MYCBP2: variants seen among roughly 807,000 people sequenced by gnomAD.
MYCBP2 encodes the protein E3 ubiquitin-protein ligase MYCBP2.
Under a neutral mutation model 525.3 loss-of-function variants are expected in MYCBP2, and 120 were observed. That is an observed-to-expected ratio of 0.23 (90% CI 0.20 to 0.27). The LOEUF is 0.27. MYCBP2 is among the 10% of genes least tolerant of loss of function. The pLI is 1.00. For missense variants in MYCBP2, 4,149 were observed against 5,657.1 expected (o/e 0.73, Z 8.55); for synonymous variants, 1,894 against 1,955.8 (o/e 0.97, Z 0.83).
chr13:77,159,646 T>C (rs2057641852), intron 44 of MYCBP2, among the ~76,000 whole-genome samples: 2 of 152,174 alleles, frequency 1.3e-5, no homozygotes, highest in South Asian at 4.1e-4. Flanking sequence ...GATAAGTGTG[T>C]AGGCCTTTCC....
chr13:77,173,937 C>T (rs2059375852), intron 37 of MYCBP2, among the ~76,000 whole-genome samples: 1 of 152,198 alleles, frequency 6.6e-6, no homozygotes, highest in African/African-American at 2.4e-5. Context: ...ATCAAGGCAA[C>T]ACCACTATCT....
chr13:77,323,452 C>T (rs73547900), intron 1 of MYCBP2, among the ~76,000 whole-genome samples: 6,788 of 152,274 alleles, frequency 0.045, 515 homozygotes, highest in African/African-American at 0.15. Context: ...AACATTCTTC[C>T]TCTACATCTG....
rs114449292 is a variant in MYCBP2 at position 77,142,629 on chromosome 13, T to C, written c.7304-1686A>G. On this transcript the variant is annotated intron_variant, in intron 49 of 82. Coordinates refer to ENST00000544440, the MANE Select transcript of MYCBP2 (RefSeq NM_015057.5). ...CTTGCAAGGGGTCCCACGATAAGGA[T>C]TAAACATAGTCAGACAAGTTTCTTG... Among the ~76,000 whole-genome samples, 586 of 152,320 alleles carry C rather than the reference T, an allele frequency of 3.8e-3. 3 individuals carry two copies. The highest frequency in any genetic ancestry group is 0.013 in the African/African-American group (556 of 41,562).
intron 19 of MYCBP2, among the ~76,000 whole-genome samples, chr13:77,224,838 G>C (rs1479294766): frequency 1.3e-5 from 2 of 151,928 alleles, no homozygotes; most frequent in African/African-American, 4.8e-5. Flanking sequence ...TTAATAATGA[G>C]TAACTACATA....
intron 55 of MYCBP2, among the ~76,000 whole-genome samples, chr13:77,117,880 A>AT (rs1180081130): frequency 2.0e-5 from 3 of 152,216 alleles, no homozygotes; most frequent in African/African-American, 7.2e-5. Flanking sequence ...TCAATTTAAC[A>AT]TATTAGGAAC....
intron 62 of MYCBP2, among the ~76,000 whole-genome samples, chr13:77,086,369 T>A (rs1257512810): frequency 6.6e-6 from 1 of 152,164 alleles, no homozygotes; most frequent in Non-Finnish European, 1.5e-5. Context: ...TGTGGCTGCT[T>A]AAAAGATCTC....
chr13:77,049,790 C>T (rs116847421), intron 82 of MYCBP2, among the ~76,000 whole-genome samples: 6,308 of 152,238 alleles, frequency 0.041, 203 homozygotes, highest in East Asian at 0.13. Flanking sequence ...TACCCGCCAC[C>T]ATGCCTGGCT....
intron 53 of MYCBP2, among the ~76,000 whole-genome samples, chr13:77,125,760 T>A (rs2051542454): frequency 6.6e-6 from 1 of 152,208 alleles, no homozygotes; most frequent in Non-Finnish European, 1.5e-5. Context: ...ATTTTCTTTT[T>A]TCTGCATCTA....
intron 44 of MYCBP2, among the ~76,000 whole-genome samples, chr13:77,161,054 C>A (rs565239628): frequency 7.9e-5 from 12 of 152,278 alleles, no homozygotes; most frequent in Non-Finnish European, 1.5e-5. Flanking sequence ...TTGCTAGATG[C>A]AAAATTTTCC....
At chr13:77,208,691 T>C (rs1025802217) in intron 23 of MYCBP2, among the ~76,000 whole-genome samples, 1 of 152,212 alleles carries the variant, frequency 6.6e-6, no homozygotes, top group Admixed American at 6.5e-5. Flanking sequence ...TCAAACTTCA[T>C]ACTTGTGATC....
chr13:77,188,002 C>T (rs73241440), intron 30 of MYCBP2, among the ~76,000 whole-genome samples: 4,661 of 143,574 alleles, frequency 0.032, 120 homozygotes, highest in Non-Finnish European at 0.048. Context: ...ACTCAGGACG[C>T]GGAGGTTGCA....
At chr13:77,191,230 A>T (rs2061264837) in intron 28 of MYCBP2, among the ~76,000 whole-genome samples, 1 of 152,372 alleles carries the variant, frequency 6.6e-6, no homozygotes, top group South Asian at 2.1e-4. Context: ...TCTATACGTG[A>T]AAGTTATTTT....
chr13:77,118,040 TA>T, intron 55 of MYCBP2, among the ~76,000 whole-genome samples: 1 of 152,188 alleles, frequency 6.6e-6, no homozygotes, highest in Non-Finnish European at 1.5e-5. Context: ...TACCCACTGA[TA>T]AGAGTGAAAT....
chr13:77,081,502 G>C lies in MYCBP2; in HGVS notation c.11343C>G (p.Asn3781Lys), dbSNP rs2043305681. 6.2e-7 allele frequency: 1 copy of C among 1,613,258 alleles called. No individual in the cohort carries two copies. Residue 3781 changes from asparagine (N) to lysine (K), a missense_variant, in exon 65 of 83, where the codon AAC becomes AAG. Physicochemically the swap from Asn to Lys is moderately conservative, Grantham distance 94. This residue lies in a region of MYCBP2 where 509 missense variants were observed against 789.4 expected (regional missense o/e 0.64). Coordinates refer to ENST00000544440, the MANE Select transcript of MYCBP2 (RefSeq NM_015057.5). The surrounding 1 kb of genome is among the most constrained non-coding windows in gnomAD (Gnocchi z 4.6). ...SGDEDKNKTK[N>K]ITINCVKGIN... is the part of the protein sequence containing the mutation. Reference sequence around the variant, plus strand: ...TTCCTTTTACACAGTTGATGGTGATGTTCTTAGTTTTGTTTTTATCTTCAT... The same window carrying C: ...TTCCTTTTACACAGTTGATGGTGATCTTCTTAGTTTTGTTTTTATCTTCAT...
At chr13:77,164,328 C>T (rs1473333797) in intron 43 of MYCBP2, 126 bp downstream of exon 43, 2 of 638,532 alleles carry the variant, frequency 3.1e-6, no homozygotes, top group South Asian at 1.9e-5. Flanking sequence ...GTACATGAAG[C>T]AGTTATTGCT....
chr13:77,269,556 G>T (rs1183802465), intron 7 of MYCBP2, among the ~76,000 whole-genome samples: 1 of 152,066 alleles, frequency 6.6e-6, no homozygotes, highest in Non-Finnish European at 1.5e-5. Flanking sequence ...AACTCAGGAG[G>T]CAGAGGTTGC....
At chr13:77,111,536 C>T (rs1272764293) in intron 55 of MYCBP2, among the ~76,000 whole-genome samples, 2 of 151,592 alleles carry the variant, frequency 1.3e-5, no homozygotes, top group Non-Finnish European at 2.9e-5. Flanking sequence ...CCTGCTTCAG[C>T]CTCCCAAGTA....
At chr13:77,312,637 C>T (rs571450880) in intron 1 of MYCBP2, among the ~76,000 whole-genome samples, 1 of 151,680 alleles carries the variant, frequency 6.6e-6, no homozygotes, top group African/African-American at 2.4e-5. Context: ...TGAAATACTC[C>T]CAATAATCCC....
intron 14 of MYCBP2, 78 bp from the exon 15 acceptor site, chr13:77,251,433 TA>T: frequency 8.1e-7 from 1 of 1,239,580 alleles, no homozygotes; most frequent in African/African-American, 1.5e-5. Flanking sequence ...TTTCCCAGTT[TA>T]AAAAATGACA....
Sources: allele counts gnomAD v4.1 joint callset (sites outside exome capture counted in the v4.1 genomes callset), GRCh38; gene constraint gnomAD v4.1.1; regional missense constraint gnomAD v4.1.1; non-coding constraint Gnocchi (gnomAD v3.1); transcripts MANE v1.5; gene names NCBI Gene and HGNC (gene_info 2026-07-23, HGNC 2026-07-21).